The following GRID2 variants were observed in gnomAD, a reference collection of about 807,000 sequenced individuals.
The protein encoded by GRID2 is glutamate ionotropic receptor delta type subunit 2, also known as glutamate receptor ionotropic, delta-2.
A neutral mutation model predicts 114.8 loss-of-function variants in GRID2; 33 were observed. The ratio of observed to expected loss-of-function variants is 0.29; its 90% CI spans 0.22 to 0.38. The LOEUF (loss-of-function observed/expected upper bound fraction) is 0.38, where lower values mean the gene tolerates loss of function less well. Ranked by LOEUF, GRID2 falls within the 10% of genes least tolerant of loss-of-function variation. The probability of loss-of-function intolerance (pLI) is 1.00; values close to 1 mark genes in which losing one functional copy is unlikely to be tolerated. For synonymous variants in GRID2, 505 were observed against 449.9 expected (o/e 1.12, Z -1.55); for missense variants, 1,184 against 1,257.7 (o/e 0.94, Z 0.89).
At chr4:93,529,535 C>T (rs1376432096) in intron 13 of GRID2, among the ~76,000 whole-genome samples, 1 of 152,100 alleles carries the variant, frequency 6.6e-6, no homozygotes, top group East Asian at 1.9e-4. Context: ...GATCCAGTGG[C>T]CTAGGCTCAA....
At chr4:92,886,269 G>A (rs1035152057) in intron 2 of GRID2, among the ~76,000 whole-genome samples, 12 of 152,034 alleles carry the variant, frequency 7.9e-5, no homozygotes, top group African/African-American at 2.9e-4. Context: ...TATTACAATA[G>A]TAATATCAAA....
At chr4:93,198,789 C>G (rs1253127168) in intron 4 of GRID2, among the ~76,000 whole-genome samples, 1 of 152,028 alleles carries the variant, frequency 6.6e-6, no homozygotes, top group Admixed American at 6.6e-5. Flanking sequence ...CTGTGGAGAG[C>G]TCATATATTG....
At chr4:92,358,473 G>A (rs1319197694) in intron 1 of GRID2, among the ~76,000 whole-genome samples, 3 of 151,864 alleles carry the variant, frequency 2.0e-5, no homozygotes, top group Non-Finnish European at 4.4e-5. Context: ...AACACTTGGG[G>A]AACAATATTT....
intron 2 of GRID2, among the ~76,000 whole-genome samples, chr4:92,650,984 G>A (rs1325091648): frequency 2.0e-5 from 3 of 151,966 alleles, no homozygotes; most frequent in Non-Finnish European, 2.9e-5. Flanking sequence ...AGGATGATGG[G>A]AAACATAGTT....
In GRID2 at chr4:92,780,202, C is replaced by T. The variant is rs1229092268; in HGVS notation, c.244+189916C>T. The stretch of plus-strand genomic sequence containing the variant: ...AGTGGATAAAGTCATCAGTGTATGA[C>T]TTGTCCTATTGGTCAGATTACTTTA... On this transcript the variant is annotated intron_variant, in intron 2 of 15. Coordinates refer to ENST00000282020, the MANE Select transcript of GRID2 (RefSeq NM_001510.4). Among the ~76,000 whole-genome samples, 3 of 152,112 alleles carry T rather than the reference C, an allele frequency of 2.0e-5. No homozygotes were observed. In the East Asian group the frequency reaches 5.8e-4, roughly 29 times the overall value.
intron 1 of GRID2, among the ~76,000 whole-genome samples, chr4:92,459,624 G>A (rs897775857): frequency 2.6e-5 from 4 of 151,962 alleles, no homozygotes; most frequent in Non-Finnish European, 4.4e-5. Flanking sequence ...CTAAAAATGT[G>A]TATACATACA....
At chr4:92,587,459 T>C (rs59519809) in intron 1 of GRID2, among the ~76,000 whole-genome samples, 57,666 of 151,832 alleles carry the variant, frequency 0.38, 10,954 homozygotes, top group Middle Eastern at 0.46. Context: ...GGATCCTTCC[T>C]GTGGAACTAA....
chr4:92,578,113 C>CTTCT (rs1727993103), intron 1 of GRID2, among the ~76,000 whole-genome samples: 1 of 92,454 alleles, frequency 1.1e-5, no homozygotes, highest in Non-Finnish European at 2.5e-5. Context: ...TCTTCTTCTT[C>CTTCT]TTTTTCTTAT....
At chr4:92,613,150 G>A (rs184587975) in intron 2 of GRID2, among the ~76,000 whole-genome samples, 153 of 151,364 alleles carry the variant, frequency 1.0e-3, no homozygotes, top group Admixed American at 5.0e-3. Flanking sequence ...TGAGTTTTTT[G>A]AAATACTTTA....
rs185440249 is a variant in GRID2, at chr4:93,155,618, G to A, written c.735+44665G>A. ...TTATCTAATAGTCCAGTAAGATGAC[G>A]TAAGAATTAGCATGGCTGGAAGATG... On this transcript the variant is annotated intron_variant, in intron 4 of 15. Coordinates refer to ENST00000282020, the MANE Select transcript of GRID2 (RefSeq NM_001510.4). Among the ~76,000 whole-genome samples the A allele has an allele frequency of 2.0e-4, 31 of 152,016 alleles. No individual in the cohort carries two copies. In the South Asian group the frequency reaches 4.1e-3, roughly 20 times the overall value.
chr4:92,382,386 T>C (rs1204952459), intron 1 of GRID2, among the ~76,000 whole-genome samples: 2 of 152,044 alleles, frequency 1.3e-5, no homozygotes, highest in South Asian at 2.1e-4. Flanking sequence ...ACCAAGACTA[T>C]AGTGTGCTTT....
intron 4 of GRID2, among the ~76,000 whole-genome samples, chr4:93,199,378 G>C (rs922731581): frequency 6.6e-6 from 1 of 152,170 alleles, no homozygotes; most frequent in Non-Finnish European, 1.5e-5. Context: ...TATGCCACAT[G>C]ATGAATGCAG....
rs1725071823 is a variant in GRID2 at position 93,473,895 on chromosome 4, A to T, written c.1859-16744A>T. The stretch of plus-strand genomic sequence containing the variant: ...GAAACTTGGAAAAAGCAGCAAATAC[A>T]TATTTTTTTCTATTTTCAATAAATT... On this transcript the variant is annotated intron_variant, in intron 11 of 15. Transcript: ENST00000282020. Among the ~76,000 whole-genome samples, 3 of 152,210 alleles carry T rather than the reference A, an allele frequency of 2.0e-5. No individual in the cohort carries two copies. In the South Asian group the frequency reaches 6.2e-4, roughly 32 times the overall value.
At chr4:92,522,372 G>A (rs557214330) in intron 1 of GRID2, among the ~76,000 whole-genome samples, 8 of 152,016 alleles carry the variant, frequency 5.3e-5, no homozygotes, top group Admixed American at 3.9e-4. Flanking sequence ...GATGCAGGGC[G>A]TTATAAGCCA....
chr4:92,943,296 T>C (rs1165947930), intron 2 of GRID2, among the ~76,000 whole-genome samples: 8 of 152,268 alleles, frequency 5.3e-5, no homozygotes, highest in Non-Finnish European at 8.8e-5. Flanking sequence ...TCTGAACTTC[T>C]CTTCTCACTT....
chr4:93,332,283 TGTGTGTGTGTGTGTGTGAGA>T (rs1758558249), intron 8 of GRID2, among the ~76,000 whole-genome samples: 1 of 121,010 alleles, frequency 8.3e-6, no homozygotes, highest in African/African-American at 4.0e-5. Flanking sequence ...TGTGTGTGTG[TGTGTGTGTGTGTGTGTGAGA>T]GAGAGAGAGA....
At chr4:93,719,853 G>C (rs1361940540) in intron 14 of GRID2, among the ~76,000 whole-genome samples, 3 of 152,084 alleles carry the variant, frequency 2.0e-5, no homozygotes, top group Non-Finnish European at 2.9e-5. Flanking sequence ...GACATTTCCT[G>C]TGCAGTCTGA....
At chr4:93,567,518 A>T (rs1056472304) in intron 13 of GRID2, among the ~76,000 whole-genome samples, 1 of 152,246 alleles carries the variant, frequency 6.6e-6, no homozygotes, top group African/African-American at 2.4e-5. Context: ...GTGAACATGA[A>T]GGCATATCTC....
intron 2 of GRID2, among the ~76,000 whole-genome samples, chr4:92,840,258 T>G (rs1470190627): frequency 6.6e-6 from 1 of 152,032 alleles, no homozygotes; most frequent in Non-Finnish European, 1.5e-5. Flanking sequence ...ATCGATCTTG[T>G]TTTTTCATCC....
Sources: gnomAD v4.1 joint callset for allele counts (sites outside exome capture counted in the v4.1 genomes callset) on GRCh38, gnomAD v4.1.1 for gene constraint, MANE v1.5 for transcripts, NCBI Gene and HGNC (gene_info 2026-07-23, HGNC 2026-07-21) for gene names.